CUX1: variants seen among roughly 807,000 people sequenced by gnomAD.
CUX1 encodes the protein cut like homeobox 1, also known as protein CASP.
In CUX1, 31 loss-of-function variants were observed where a neutral mutation model predicts 158.8. The ratio of observed to expected loss-of-function variants is 0.20; its 90% CI spans 0.15 to 0.26. The LOEUF (loss-of-function observed/expected upper bound fraction) is 0.26, where lower values mean the gene tolerates loss of function less well. Among genes scored for constraint, CUX1 ranks in the 10% least tolerant of loss-of-function variants. The pLI, the probability that CUX1 is intolerant of heterozygous loss-of-function variation, is 1.00. For missense variants in CUX1, 1,589 were observed against 2,014.6 expected (o/e 0.79, Z 4.04); for synonymous variants, 879 against 862.1 (o/e 1.02, Z -0.34).
At chr7:102,129,400 A>G (rs1832982893) in intron 8 of CUX1, among the ~76,000 whole-genome samples, 1 of 152,092 alleles carries the variant, frequency 6.6e-6, no homozygotes, top group Non-Finnish European at 1.5e-5. Context: ...ATCAAACACC[A>G]GGGCTGGGCA....
chr7:101,828,266 A>G (rs531017911), intron 1 of CUX1, among the ~76,000 whole-genome samples: 120 of 151,966 alleles, frequency 7.9e-4, no homozygotes, highest in African/African-American at 2.6e-3. Context: ...CACCATACCC[A>G]GCCCCACTCA....
rs935555124 is a variant in CUX1, at chr7:101,916,513, T to G, written c.141+288T>G. On this transcript the variant is annotated intron_variant, in intron 2 of 23. Coordinates refer to ENST00000292535, the MANE Select transcript of CUX1 (RefSeq NM_181552.4). The surrounding 1 kb of genome is among the most constrained non-coding windows in gnomAD (Gnocchi z 4.4). Reference sequence around the variant, plus strand: ...CTGTAAGAACACGTGGGCAGGTGTGTGGGTGTCTCAGACCCTCGAGCTCAT... The same window carrying G: ...CTGTAAGAACACGTGGGCAGGTGTGGGGGTGTCTCAGACCCTCGAGCTCAT... 1.4e-4 allele frequency: 46 copies of G among 338,892 alleles called. No individual in the cohort carries two copies. The highest frequency in any genetic ancestry group is 2.2e-4 in the Non-Finnish European group (38 of 171,178). The allele number at this position is 338,892 out of a possible 1,614,324, so 21.0% of individuals were successfully genotyped here.
chr7:101,874,498 C>T (rs1036853429), intron 1 of CUX1, among the ~76,000 whole-genome samples: 10 of 152,228 alleles, frequency 6.6e-5, no homozygotes, highest in Admixed American at 5.2e-4. Flanking sequence ...ATATTTATGG[C>T]GCATCGCCTT....
chr7:102,024,247 C>T lies in CUX1; in HGVS notation c.142-3851C>T, dbSNP rs531239015. Among the ~76,000 whole-genome samples the T allele has an allele frequency of 2.0e-5, 3 of 152,380 alleles. No homozygotes were observed. In the East Asian group the frequency reaches 5.8e-4, roughly 29 times the overall value. On this transcript the variant is annotated intron_variant, in intron 2 of 23. Coordinates refer to ENST00000292535, the MANE Select transcript of CUX1 (RefSeq NM_181552.4). ...ATTTCTCTGCTACAGTCTGAAATCT[C>T]TCAGCCACACCAGCTTTCTCATTCC...
intron 2 of CUX1, among the ~76,000 whole-genome samples, chr7:101,943,688 TTA>T (rs1491575748): frequency 1.4e-5 from 2 of 144,884 alleles, no homozygotes; most frequent in Non-Finnish European, 3.1e-5. Context: ...GCTTTAAAAT[TTA>T]AAAAAAAAAA....
chr7:101,875,126 C>T (rs989234680), intron 1 of CUX1, among the ~76,000 whole-genome samples: 6 of 152,148 alleles, frequency 3.9e-5, no homozygotes, highest in African/African-American at 1.2e-4. Context: ...CTTGTACACA[C>T]CCTCTCTTAC....
At chr7:101,913,936 A>G (rs989630114) in intron 1 of CUX1, among the ~76,000 whole-genome samples, 4 of 152,008 alleles carry the variant, frequency 2.6e-5, no homozygotes, top group Non-Finnish European at 5.9e-5. Context: ...CTGCTTAAAT[A>G]TAGATGTCAA....
At chr7:102,095,489 G>A (rs1246934127) in intron 4 of CUX1, among the ~76,000 whole-genome samples, 5 of 152,056 alleles carry the variant, frequency 3.3e-5, no homozygotes, top group African/African-American at 9.7e-5. Flanking sequence ...CCCAGCACCC[G>A]GGATCTGCTG....
chr7:101,860,419 C>T (rs1288469757), intron 1 of CUX1, among the ~76,000 whole-genome samples: 1 of 152,116 alleles, frequency 6.6e-6, no homozygotes, highest in Non-Finnish European at 1.5e-5. Flanking sequence ...GAAAAAAATA[C>T]CTAATACCAC....
intron 4 of CUX1, among the ~76,000 whole-genome samples, chr7:102,096,610 G>A (rs573291309): frequency 1.3e-5 from 2 of 152,318 alleles, no homozygotes; most frequent in African/African-American, 4.8e-5. Flanking sequence ...GGAGGCTGAG[G>A]TGGGAGGATT....
At chr7:101,885,787 G>A (rs1394308784) in intron 1 of CUX1, among the ~76,000 whole-genome samples, 2 of 152,164 alleles carry the variant, frequency 1.3e-5, no homozygotes, top group African/African-American at 2.4e-5. Flanking sequence ...TCTCCCTGAC[G>A]AGGCTGTTGG....
At chr7:102,220,505 G>C (rs1234001635) in intron 20 of CUX1, among the ~76,000 whole-genome samples, 5 of 152,204 alleles carry the variant, frequency 3.3e-5, no homozygotes, top group Non-Finnish European at 7.3e-5. Flanking sequence ...CCCACATCAC[G>C]ATCTGTCCCT....
intron 8 of CUX1, among the ~76,000 whole-genome samples, chr7:102,131,183 C>T (rs1585825872): frequency 6.6e-6 from 1 of 151,628 alleles, no homozygotes. Context: ...CTGCGGTTTC[C>T]GTGGAAAGCC....
chr7:101,992,257 C>T (rs969513171), intron 2 of CUX1, among the ~76,000 whole-genome samples: 2 of 152,136 alleles, frequency 1.3e-5, no homozygotes, highest in African/African-American at 4.8e-5. Context: ...CTAAAACCCA[C>T]CCCCTCCCAT....
chr7:102,145,244 T>G (rs932426573), intron 8 of CUX1, among the ~76,000 whole-genome samples: 5 of 152,000 alleles, frequency 3.3e-5, no homozygotes, highest in African/African-American at 1.2e-4. Context: ...ATGGGGTCAT[T>G]TGTCCAGAAA....
Position 101,974,074 on chromosome 7 carries a change from C to CT in CUX1, c.142-54010dup, listed in dbSNP as rs1416244437. Among the ~76,000 whole-genome samples, 825 of 139,860 alleles carry CT rather than the reference C, an allele frequency of 5.9e-3. 5 individuals are homozygous for CT. Among genetic ancestry groups the CT allele is most frequent in the South Asian group, 0.012 (52 of 4,334 alleles). The allele number at this position is 139,860 out of a possible 152,430, so 91.8% of individuals were successfully genotyped here. A position where few individuals can be genotyped will look rare whatever the true frequency, so the allele number is the denominator to read the frequency against. On this transcript the variant is annotated intron_variant, in intron 2 of 23. Coordinates refer to ENST00000292535, the MANE Select transcript of CUX1 (RefSeq NM_181552.4). The stretch of plus-strand genomic sequence containing the variant: ...TGAACCACTGCGCCCGGCCCAGATT[C>CT]TTTTTTTTTTTTTTGAGATAGAATC...
chr7:102,234,665 A>G (rs771696640), intron 22 of CUX1, among the ~76,000 whole-genome samples: 23 of 151,882 alleles, frequency 1.5e-4, no homozygotes, highest in Non-Finnish European at 3.1e-4. Flanking sequence ...CACGCCTGTA[A>G]TCTCAGCACT....
chr7:102,234,025 C>A, intron 21 of CUX1, 27 bp from the exon 22 acceptor site: 1 of 1,434,496 alleles, frequency 7.0e-7, no homozygotes, highest in Non-Finnish European at 9.2e-7. Context: ...GGTGACAATA[C>A]CTGTCTTGCT....
intron 8 of CUX1, among the ~76,000 whole-genome samples, chr7:102,147,825 G>C (rs1194313649): frequency 6.6e-6 from 1 of 151,740 alleles, no homozygotes; most frequent in Non-Finnish European, 1.5e-5. Flanking sequence ...GATGAAACCT[G>C]ATCTCTACTA....
Sources: allele counts gnomAD v4.1 joint callset (sites outside exome capture counted in the v4.1 genomes callset), GRCh38; gene constraint gnomAD v4.1.1; non-coding constraint Gnocchi (gnomAD v3.1); transcripts MANE v1.5; gene names NCBI Gene and HGNC (gene_info 2026-07-23, HGNC 2026-07-21).